The following NCAPG2 variants were observed in gnomAD, a reference collection of about 807,000 sequenced individuals.
NCAPG2 encodes non-SMC condensin II complex subunit G2, also known as condensin-2 complex subunit G2.
Under a neutral mutation model 141.1 loss-of-function variants are expected in NCAPG2, and 53 were observed. The ratio of observed to expected loss-of-function variants is 0.38; its 90% CI spans 0.30 to 0.47. The LOEUF is 0.47. NCAPG2 is among the 20% of genes least tolerant of loss of function. The pLI is 0.99. For missense variants in NCAPG2, 1,087 were observed against 1,389.0 expected (o/e 0.78, Z 3.46); for synonymous variants, 499 against 490.7 (o/e 1.02, Z -0.22).
At position 158,656,306 on chromosome 7, in the gene NCAPG2, G is replaced by T. The variant is rs776945753; in HGVS notation, c.2342C>A (p.Pro781His). The change falls in exon 19 of 28, where the codon CCT becomes CAT. Residue 781 changes from proline to histidine, a missense_variant. Coordinates refer to ENST00000356309, the MANE Select transcript of NCAPG2 (RefSeq NM_017760.7). ...CAAAAGATGGTTAAGTTTCTTCCGA[G>T]GAGCAGAGAGCAAGCACTCGCGGTT... is the stretch of plus-strand genomic sequence containing the variant. ...PKNRECLLSA[P>H]RKKLNHLLKA... The T allele has an allele frequency of 4.3e-6, 7 of 1,614,178 alleles. No individual in the cohort carries two copies.
intron 13 of NCAPG2, among the ~76,000 whole-genome samples, chr7:158,665,537 C>T (rs767820472): frequency 6.6e-6 from 1 of 152,214 alleles, no homozygotes; most frequent in Admixed American, 6.5e-5. Context: ...TCTCAAGAAC[C>T]TTGCTCCAAG....
chr7:158,702,040 C>T, intron 1 of NCAPG2, 102 bp from the exon 2 acceptor site: 6 of 633,900 alleles, frequency 9.5e-6, no homozygotes, highest in Non-Finnish European at 1.6e-5. Flanking sequence ...AATTCCTCAA[C>T]CACGTATGGC....
At chr7:158,679,121 G>A (rs112423193) in intron 11 of NCAPG2, among the ~76,000 whole-genome samples, 142 of 152,274 alleles carry the variant, frequency 9.3e-4, no homozygotes, top group Non-Finnish European at 1.8e-3. Context: ...CTCCCACAGC[G>A]CTGGGATTAC....
chr7:158,663,060 T>C (rs1832642085), intron 15 of NCAPG2, among the ~76,000 whole-genome samples: 1 of 152,250 alleles, frequency 6.6e-6, no homozygotes, highest in Admixed American at 6.5e-5. Flanking sequence ...AGTCCCACGC[T>C]GTCAACGCGG....
chr7:158,677,023 C>T (rs1216052252), intron 11 of NCAPG2, among the ~76,000 whole-genome samples: 3 of 152,060 alleles, frequency 2.0e-5, no homozygotes, highest in Non-Finnish European at 2.9e-5. Context: ...GAACCCAGAG[C>T]CCAGGTTACA....
chr7:158,676,916 T>C (rs1478468876), intron 11 of NCAPG2, among the ~76,000 whole-genome samples: 1 of 152,084 alleles, frequency 6.6e-6, no homozygotes, highest in Non-Finnish European at 1.5e-5. Flanking sequence ...AATAGATTCA[T>C]GGAGAAAAGA....
intron 23 of NCAPG2, 39 bp from the exon 24 acceptor site, chr7:158,651,011 A>G: frequency 6.5e-7 from 1 of 1,531,758 alleles, no homozygotes; most frequent in African/African-American, 1.4e-5. Flanking sequence ...ATGACTAAAA[A>G]CCATGGTTTT....
intron 13 of NCAPG2, among the ~76,000 whole-genome samples, chr7:158,665,625 AC>A (rs1753221662): frequency 6.6e-6 from 1 of 152,016 alleles, no homozygotes; most frequent in African/African-American, 2.4e-5. Context: ...AAAAACCCAC[AC>A]ACAAAACTCA....
At chr7:158,691,985 T>C (rs1835145305) in intron 4 of NCAPG2, among the ~76,000 whole-genome samples, 1 of 152,182 alleles carries the variant, frequency 6.6e-6, no homozygotes, top group Non-Finnish European at 1.5e-5. Flanking sequence ...CATCTCACCA[T>C]CTATAACATC....
In NCAPG2 at chr7:158,699,689, T is replaced by G. The variant is rs552673675; in HGVS notation, c.78+2133A>C. Reference sequence around the variant, plus strand: ...TCTCCTCTGTTCTACCTCATTTTCTTCCTCTTACACACAGAGGGGCAGGTG... The same window carrying G: ...TCTCCTCTGTTCTACCTCATTTTCTGCCTCTTACACACAGAGGGGCAGGTG... On this transcript the variant is annotated intron_variant, in intron 2 of 27. Coordinates refer to ENST00000356309, the MANE Select transcript of NCAPG2 (RefSeq NM_017760.7). Among the ~76,000 whole-genome samples, 17 of 152,272 alleles carry G rather than the reference T, an allele frequency of 1.1e-4. No individual in the cohort carries two copies. The South Asian group carries it at 3.5e-3, about 32-fold the overall frequency.
In NCAPG2 at chr7:158,631,548, A is replaced by C. The variant is rs1829893089; in HGVS notation, c.*118T>G. 1 of 1,016,528 alleles carries C rather than the reference A, an allele frequency of 9.8e-7. No homozygotes were observed. The highest frequency in any genetic ancestry group is 1.4e-5 in the South Asian group (1 of 71,408). The allele number at this position is 1,016,528 out of a possible 1,614,324, so 63.0% of individuals were successfully genotyped here. ...CCACCTTCCCACATTCCCACAAAAA[A>C]ATCCCACCCTTTCCCTATTATATGG... On this transcript the variant is annotated 3_prime_UTR_variant, in exon 28 of 28. Transcript: ENST00000356309.
At chr7:158,693,721 C>CA (rs1189666415) in intron 2 of NCAPG2, among the ~76,000 whole-genome samples, 4 of 152,304 alleles carry the variant, frequency 2.6e-5, no homozygotes, top group African/African-American at 9.6e-5. Context: ...ACCCACTTAG[C>CA]AAAACCCTCC....
intron 6 of NCAPG2, among the ~76,000 whole-genome samples, chr7:158,687,951 GTGA>G (rs1423654157): frequency 1.3e-5 from 2 of 152,094 alleles, no homozygotes; most frequent in African/African-American, 4.8e-5. Flanking sequence ...AATACATCAT[GTGA>G]TGATAATTTA....
rs1834347961 is a variant in NCAPG2 at position 158,679,982 on chromosome 7, T to C, written c.1124A>G (p.Gln375Arg). Residue 375 changes from glutamine (Q) to arginine (R), a missense_variant, in exon 11 of 28, where the codon CAG becomes CGG. Transcript: ENST00000356309. ...TACATAGAGCTCTTCAAACTGTTTC[T>C]GGATTTCACTATCCATTTCAATAGC... is the stretch of plus-strand genomic sequence containing the variant. ...LHAIEMDSEI[Q>R]KQFEELYSLL... 6.2e-7 allele frequency: 1 copy of C among 1,614,034 alleles called. No homozygotes were observed. Among genetic ancestry groups the C allele is most frequent in the African/African-American group, 1.3e-5 (1 of 74,930 alleles).
At position 158,704,798 on chromosome 7, in the gene NCAPG2, C is replaced by A. The variant is rs1477293633; in HGVS notation, c.-114G>T. 1 of 152,262 alleles carries A rather than the reference C, an allele frequency of 6.6e-6. No homozygotes were observed. Among genetic ancestry groups the A allele is most frequent in the South Asian group, 2.1e-4 (1 of 4,838 alleles). The allele number at this position is 152,262 out of a possible 1,614,324, so 9.4% of individuals were successfully genotyped here. Reference sequence around the variant, plus strand: ...ACCCGCCGGCGCCCCAGACGGGCCCCGCCCTCCCGGTCGTCATCAGGCGCC... The same window carrying A: ...ACCCGCCGGCGCCCCAGACGGGCCCAGCCCTCCCGGTCGTCATCAGGCGCC... On this transcript the variant is annotated 5_prime_UTR_variant, in exon 1 of 28. Coordinates refer to ENST00000356309, the MANE Select transcript of NCAPG2 (RefSeq NM_017760.7).
rs1563504110 is a variant in NCAPG2, at chr7:158,648,536, CGACAACCACGG to C, written c.3076-1984_3076-1974del. ...ATGGACTATAACCACGCCAAATGGA[CGACAACCACGG>C]CAAATGGACGACAACCACGCCAAAT... On this transcript the variant is annotated intron_variant, in intron 24 of 27. Transcript: ENST00000356309. 1.8e-4 allele frequency among the ~76,000 whole-genome samples: 27 copies of C among 146,700 alleles called. 5 individuals carry two copies. The highest frequency in any genetic ancestry group is 4.4e-4 in the South Asian group (2 of 4,594).
intron 21 of NCAPG2, 188 bp downstream of exon 21, chr7:158,654,930 T>C (rs1831788817): frequency 1.8e-6 from 2 of 1,108,404 alleles, no homozygotes; most frequent in African/African-American, 1.6e-5. Context: ...ATGTAATGTA[T>C]AAAATTACAC....
intron 23 of NCAPG2, 106 bp downstream of exon 23, chr7:158,652,187 T>C (rs2129458569): frequency 4.3e-6 from 5 of 1,160,512 alleles, no homozygotes; most frequent in Non-Finnish European, 3.7e-6. Flanking sequence ...CAACACTGCG[T>C]GTCACCCGAG....
At chr7:158,696,167 T>G (rs1401363597) in intron 2 of NCAPG2, 4 of 152,302 alleles carry the variant, frequency 2.6e-5, no homozygotes, top group Non-Finnish European at 5.9e-5. Flanking sequence ...AGCTGGGTGT[T>G]GGATGTCTGG....
Sources: allele counts gnomAD v4.1 joint callset (sites outside exome capture counted in the v4.1 genomes callset), GRCh38; gene constraint gnomAD v4.1.1; transcripts MANE v1.5; gene names NCBI Gene and HGNC (gene_info 2026-07-23, HGNC 2026-07-21).